The following RAPGEF1 variants were observed in gnomAD, a reference collection of about 807,000 sequenced individuals.
RAPGEF1 encodes the protein Rap guanine nucleotide exchange factor 1.
In RAPGEF1, 33 loss-of-function variants were observed where a neutral mutation model predicts 143.3. That is an observed-to-expected ratio of 0.23 (90% CI 0.17 to 0.31). The LOEUF (loss-of-function observed/expected upper bound fraction) is 0.31. Ranked by LOEUF, RAPGEF1 falls within the 10% of genes least tolerant of loss-of-function variation. RAPGEF1 has a pLI of 1.00. For synonymous variants in RAPGEF1, 629 were observed against 676.5 expected, an observed-to-expected ratio of 0.93 and a Z score of 1.09; for missense variants, 1,199 against 1,645.4, an observed-to-expected ratio of 0.73 and a Z score of 4.69.
At chr9:131,682,344 G>A (rs1338547025) in intron 1 of RAPGEF1, among the ~76,000 whole-genome samples, 5 of 152,188 alleles carry the variant, frequency 3.3e-5, no homozygotes. Context: ...CCCGGGCCCC[G>A]TTCTAAACCG....
At chr9:131,729,915 C>T (rs964223854) in intron 1 of RAPGEF1, among the ~76,000 whole-genome samples, 3 of 152,188 alleles carry the variant, frequency 2.0e-5, no homozygotes, top group African/African-American at 7.2e-5. Flanking sequence ...AACAAATTGG[C>T]TGGGCGCAGT....
chr9:131,699,058 C>T (rs977378690), intron 1 of RAPGEF1, among the ~76,000 whole-genome samples: 1 of 152,200 alleles, frequency 6.6e-6, no homozygotes, highest in South Asian at 2.1e-4. Context: ...CATCAGCATT[C>T]AACCTTGCCA....
In RAPGEF1 at chr9:131,582,673, G is replaced by A; in HGVS notation, c.3444C>T (p.Asp1148=). The A allele has an allele frequency of 1.3e-6, 2 of 1,546,958 alleles. No homozygotes were observed. Among genetic ancestry groups the A allele is most frequent in the South Asian group, 1.2e-5 (1 of 80,912 alleles). Residue 1148 remains aspartate, a synonymous_variant, in exon 25 of 27, where the codon GAC becomes GAT. Transcript: ENST00000683357. ...GGTAGGCTCGGAAGGAGGACGAGCTGTCGATCAGTGTGCAGTACTCGGCCA... is the reference window on the plus strand; with the variant it reads ...GGTAGGCTCGGAAGGAGGACGAGCTATCGATCAGTGTGCAGTACTCGGCCA... ...EGLAEYCTLI[D]SSSSFRAYRA...
At chr9:131,603,026 CAT>C (rs1293403126) in intron 14 of RAPGEF1, among the ~76,000 whole-genome samples, 4 of 152,236 alleles carry the variant, frequency 2.6e-5, no homozygotes, top group African/African-American at 9.6e-5. Context: ...GCCAGATGCA[CAT>C]GTCAGCAGAG....
At chr9:131,639,898 G>A (rs1022318996) in intron 4 of RAPGEF1, among the ~76,000 whole-genome samples, 2 of 152,196 alleles carry the variant, frequency 1.3e-5, no homozygotes, top group African/African-American at 4.8e-5. Context: ...AATCAGGCAA[G>A]GAGGAAACAA....
intron 5 of RAPGEF1, among the ~76,000 whole-genome samples, chr9:131,635,991 C>T (rs1281184975): frequency 2.0e-5 from 3 of 152,348 alleles, no homozygotes; most frequent in Non-Finnish European, 2.9e-5. Context: ...TCTGTAATGA[C>T]TCCAGCATGA....
chr9:131,645,856 C>G (rs2133360427), intron 3 of RAPGEF1, among the ~76,000 whole-genome samples: 1 of 152,348 alleles, frequency 6.6e-6, no homozygotes, highest in African/African-American at 2.4e-5. Context: ...GGCTTAGAGA[C>G]AAAGCCAACT....
In RAPGEF1 at chr9:131,737,228, C is replaced by T. The variant is rs144552591; in HGVS notation, c.61+2542G>A. ...CAGAACTCTTACTTTTTCTGCTTCT[C>T]ACAAAATGCATCTTCCTCCCACACT... On this transcript the variant is annotated intron_variant, in intron 1 of 26. Transcript: ENST00000683357. 4.6e-3 allele frequency among the ~76,000 whole-genome samples: 694 copies of T among 152,304 alleles called. 4 individuals are homozygous for T. Among genetic ancestry groups the T allele is most frequent in the Middle Eastern group, 0.014 (4 of 294 alleles).
In RAPGEF1 at chr9:131,687,214, A is replaced by G. The variant is rs1833419982; in HGVS notation, c.62-36265T>C. Among the ~76,000 whole-genome samples, 4 of 152,328 alleles carry G rather than the reference A, an allele frequency of 2.6e-5. No individual in the cohort carries two copies. The South Asian group carries it at 8.3e-4, about 32-fold the overall frequency. On this transcript the variant is annotated intron_variant, in intron 1 of 26. Coordinates refer to ENST00000683357, the MANE Select transcript of RAPGEF1 (RefSeq NM_001377935.1). ...GTTCTTTTGTTTTATTTTTAAAAAC[A>G]GAGTCTTGCCCTGTCCTCCCCGCTT...
At chr9:131,680,409 T>G (rs1832804989) in intron 1 of RAPGEF1, among the ~76,000 whole-genome samples, 1 of 152,154 alleles carries the variant, frequency 6.6e-6, no homozygotes, top group Non-Finnish European at 1.5e-5. Flanking sequence ...GGCCATAAAT[T>G]GGCCCCAAAA....
intron 1 of RAPGEF1, among the ~76,000 whole-genome samples, chr9:131,733,369 G>T (rs1156920245): frequency 1.3e-4 from 17 of 135,006 alleles, no homozygotes; most frequent in Non-Finnish European, 2.1e-4. Context: ...CGGGGGCGGG[G>T]GGGGGGGTGG....
At position 131,739,898 on chromosome 9, in the gene RAPGEF1, C is replaced by A; in HGVS notation, c.-68G>T. On this transcript the variant is annotated 5_prime_UTR_variant, in exon 1 of 27. Coordinates refer to ENST00000683357, the MANE Select transcript of RAPGEF1 (RefSeq NM_001377935.1). ...CCCGCCGCTCGCCTCGGCCCTGGCT[C>A]GCCACGCCTCAGACCCGCGCCGGCA... 1 of 914,946 alleles carries A rather than the reference C, an allele frequency of 1.1e-6. No homozygotes were observed. The highest frequency in any genetic ancestry group is 4.9e-5 in the South Asian group (1 of 20,380). The allele number at this position is 914,946 out of a possible 1,614,324, so 56.7% of individuals were successfully genotyped here. A position where few individuals can be genotyped will look rare whatever the true frequency, so the allele number is the denominator to read the frequency against.
chr9:131,709,885 C>A (rs1432549705), intron 1 of RAPGEF1: 4 of 985,360 alleles, frequency 4.1e-6, no homozygotes, highest in Non-Finnish European at 4.8e-6. Context: ...TCCCTTTGGC[C>A]CCAGGGAGGA....
At chr9:131,682,840 A>G (rs1258949709) in intron 1 of RAPGEF1, among the ~76,000 whole-genome samples, 2 of 152,228 alleles carry the variant, frequency 1.3e-5, no homozygotes, top group African/African-American at 2.4e-5. Flanking sequence ...GGACATTTCA[A>G]TCATTTCTCT....
At position 131,586,254 on chromosome 9, in the gene RAPGEF1, TCAAA is replaced by T. The variant is rs1356570926; in HGVS notation, c.3233+1478_3233+1481del. On this transcript the variant is annotated intron_variant, in intron 22 of 26. Transcript: ENST00000683357. ...CACACCTGCAGAGCAAGACTCTGTC[TCAAA>T]CACACACACACACACACACACACAC... Among the ~76,000 whole-genome samples the T allele has an allele frequency of 2.0e-3, 102 of 50,448 alleles. 1 individual carries two copies. The highest frequency in any genetic ancestry group is 9.6e-3 in the African/African-American group (99 of 10,324). 33.1% of individuals were successfully genotyped at this position (50,448 alleles called of 152,430 possible). A position where few individuals can be genotyped will look rare whatever the true frequency, so the allele number is the denominator to read the frequency against.
At chr9:131,689,910 T>C (rs1833659279) in intron 1 of RAPGEF1, among the ~76,000 whole-genome samples, 1 of 152,220 alleles carries the variant, frequency 6.6e-6, no homozygotes, top group Admixed American at 6.5e-5. Context: ...TCTAAATAAG[T>C]TAAAATACTG....
chr9:131,681,544 G>C (rs2130926679), intron 1 of RAPGEF1, among the ~76,000 whole-genome samples: 1 of 152,298 alleles, frequency 6.6e-6, no homozygotes, highest in East Asian at 1.9e-4. Context: ...TTTCCAGTCG[G>C]ATGATTCCTA....
chr9:131,622,025 C>T (rs373928902), intron 10 of RAPGEF1, 27 bp from the exon 11 acceptor site: 99 of 1,599,372 alleles, frequency 6.2e-5, no homozygotes, highest in African/African-American at 8.0e-5. Flanking sequence ...AAAGCTGCAG[C>T]GAGGCCGGGG....
chr9:131,710,569 A>T (rs999338146), intron 1 of RAPGEF1, among the ~76,000 whole-genome samples: 7 of 152,138 alleles, frequency 4.6e-5, no homozygotes, highest in African/African-American at 1.7e-4. Flanking sequence ...CCCCTAAAGA[A>T]TCCCCACAGC....
Sources: allele counts gnomAD v4.1 joint callset (sites outside exome capture counted in the v4.1 genomes callset), GRCh38; gene constraint gnomAD v4.1.1; transcripts MANE v1.5; gene names NCBI Gene and HGNC (gene_info 2026-07-23, HGNC 2026-07-21).